ROBO2: variants seen among roughly 807,000 people sequenced by gnomAD.
ROBO2 encodes the protein roundabout guidance receptor 2.
Under a neutral mutation model 160.8 loss-of-function variants are expected in ROBO2, and 53 were observed. The observed-to-expected ratio is 0.33, with a 90% CI of 0.26 to 0.41. ROBO2 has a LOEUF of 0.41. Ranked by LOEUF, ROBO2 falls within the 10% of genes least tolerant of loss-of-function variation. The pLI is 1.00. For synonymous variants in ROBO2, 664 were observed against 611.7 expected (o/e 1.09, Z -1.26); for missense variants, 1,577 against 1,722.4 (o/e 0.92, Z 1.49).
chr3:77,015,225 A>G (rs568903416), intron 2 of ROBO2, among the ~76,000 whole-genome samples: 1 of 152,334 alleles, frequency 6.6e-6, no homozygotes, highest in South Asian at 2.1e-4. Context: ...ATGTTTTACT[A>G]AAGCAAACTC....
intron 2 of ROBO2, among the ~76,000 whole-genome samples, chr3:76,037,451 T>TAATTTTGTA (rs2107744853): frequency 6.6e-6 from 1 of 151,540 alleles, no homozygotes; most frequent in South Asian, 2.1e-4. Context: ...AGAGACGGGG[T>TAATTTTGTA]TTCACTTGTT....
At chr3:76,427,495 C>G (rs1035709944) in intron 2 of ROBO2, among the ~76,000 whole-genome samples, 3 of 152,058 alleles carry the variant, frequency 2.0e-5, no homozygotes, top group Non-Finnish European at 2.9e-5. Context: ...AGAAGCAGAC[C>G]TGTGGCTGCA....
intron 2 of ROBO2, among the ~76,000 whole-genome samples, chr3:77,129,952 C>T (rs2075699206): frequency 6.6e-6 from 1 of 152,108 alleles, no homozygotes; most frequent in Non-Finnish European, 1.5e-5. Flanking sequence ...ACGTCACCAT[C>T]AGATTGAGAA....
intron 16 of ROBO2, among the ~76,000 whole-genome samples, chr3:77,583,947 G>C (rs922148461): frequency 6.6e-6 from 1 of 152,058 alleles, no homozygotes; most frequent in African/African-American, 2.4e-5. Context: ...ATCCTCTCCT[G>C]GGCTTCCGGT....
intron 2 of ROBO2, among the ~76,000 whole-genome samples, chr3:76,333,077 T>C (rs1459233687): frequency 1.3e-5 from 2 of 152,174 alleles, no homozygotes; most frequent in African/African-American, 4.8e-5. Flanking sequence ...AGCCACACCT[T>C]GAGAACGCCT....
intron 2 of ROBO2, among the ~76,000 whole-genome samples, chr3:76,273,114 CATATAAATAT>C (rs201165447): frequency 0.37 from 39,408 of 106,470 alleles, 7,728 homozygotes; most frequent in Non-Finnish European, 0.42. Context: ...TACACACACA[CATATAAATAT>C]ATATATATAT....
chr3:76,760,132 C>A (rs909137249), intron 2 of ROBO2, among the ~76,000 whole-genome samples: 1 of 151,698 alleles, frequency 6.6e-6, no homozygotes, highest in Non-Finnish European at 1.5e-5. Flanking sequence ...GTTGCTCGTA[C>A]CCAGATATCA....
At chr3:76,979,169 C>T (rs974700463) in intron 2 of ROBO2, among the ~76,000 whole-genome samples, 2 of 152,070 alleles carry the variant, frequency 1.3e-5, no homozygotes, top group Non-Finnish European at 2.9e-5. Context: ...GTCTCGAACT[C>T]CTGGGCTGCA....
chr3:76,614,409 T>TACCTCTCATAATACTTGTTATC (rs2088398462), intron 2 of ROBO2, among the ~76,000 whole-genome samples: 2 of 152,086 alleles, frequency 1.3e-5, no homozygotes, highest in Admixed American at 1.3e-4. Flanking sequence ...AGCTTGTTAG[T>TACCTCTCATAATACTTGTTATC]ACCTCTCATA....
At chr3:77,359,660 AC>A (rs2069640022) in intron 2 of ROBO2, among the ~76,000 whole-genome samples, 1 of 152,052 alleles carries the variant, frequency 6.6e-6, no homozygotes, top group Non-Finnish European at 1.5e-5. Context: ...CATCTGAAAT[AC>A]CACCTTCTTT....
intron 23 of ROBO2, chr3:77,633,229 C>G (rs1475275434): frequency 6.6e-6 from 1 of 152,092 alleles, no homozygotes; most frequent in Admixed American, 6.6e-5. Flanking sequence ...AAGATACACC[C>G]ACTGCATTTG....
chr3:76,058,126 T>C (rs2067919375), intron 2 of ROBO2, among the ~76,000 whole-genome samples: 1 of 152,134 alleles, frequency 6.6e-6, no homozygotes, highest in South Asian at 2.1e-4. Context: ...AACTATACTT[T>C]CAGTTCTGGG....
At chr3:76,036,132 T>C (rs772173218) in intron 2 of ROBO2, among the ~76,000 whole-genome samples, 5 of 151,984 alleles carry the variant, frequency 3.3e-5, no homozygotes, top group Non-Finnish European at 7.4e-5. Flanking sequence ...TATTGTGCAT[T>C]TGGAGGTTAG....
chr3:76,218,972 T>C (rs547004605), intron 2 of ROBO2, among the ~76,000 whole-genome samples: 4 of 152,188 alleles, frequency 2.6e-5, no homozygotes, highest in South Asian at 4.1e-4. Flanking sequence ...GAGATATAGA[T>C]CAATGGAACA....
chr3:77,080,005 G>A (rs528152107), intron 1 of ROBO2, among the ~76,000 whole-genome samples: 4 of 152,104 alleles, frequency 2.6e-5, no homozygotes, highest in Non-Finnish European at 4.4e-5. Flanking sequence ...TAATATTCTC[G>A]CTCCGTGTTT....
rs138973939 is a variant in ROBO2, at chr3:76,186,363, C to T, written c.109+248761C>T. ...TATCTCCTTCCCCCATACCCTCTCT[C>T]GTTTCAATTCCATAATGTACTTGCC... On this transcript the variant is annotated intron_variant, in intron 2 of 26. Transcript: ENST00000487694. Among the ~76,000 whole-genome samples the T allele has an allele frequency of 5.5e-4, 83 of 152,204 alleles. No homozygotes were observed. The East Asian group carries it at 0.013, about 23-fold the overall frequency.
At chr3:77,061,054 G>A (rs2149766586) in intron 1 of ROBO2, among the ~76,000 whole-genome samples, 1 of 152,134 alleles carries the variant, frequency 6.6e-6, no homozygotes, top group East Asian at 1.9e-4. Context: ...TTCTGCCTCA[G>A]ACTCCTGAGT....
upstream of ROBO2, among the ~76,000 whole-genome samples, chr3:77,036,941 T>C (rs918736572): frequency 3.3e-5 from 5 of 152,074 alleles, no homozygotes; most frequent in South Asian, 2.1e-4. Flanking sequence ...TTAAAGACTT[T>C]CCTTTAATTA....
chr3:77,562,698 A>G, exon 10 of ROBO2: 1 of 1,612,708 alleles, frequency 6.2e-7, no homozygotes, highest in Non-Finnish European at 8.5e-7. Flanking sequence ...GTTCAAGTGG[A>G]GAGACTTCCT....
Sources: allele counts gnomAD v4.1 joint callset (sites outside exome capture counted in the v4.1 genomes callset), GRCh38; gene constraint gnomAD v4.1.1; transcripts MANE v1.5; gene names NCBI Gene and HGNC (gene_info 2026-07-23, HGNC 2026-07-21).